LUZP2: variants seen among roughly 807,000 people sequenced by gnomAD.
LUZP2 encodes leucine zipper protein 2.
A neutral mutation model predicts 51.6 loss-of-function variants in LUZP2; 52 were observed. The observed-to-expected ratio is 1.01, with a 90% CI of 0.81 to 1.27. The LOEUF (loss-of-function observed/expected upper bound fraction) is 1.27, where lower values mean the gene tolerates loss of function less well. LUZP2 is among the 50% of genes most tolerant of loss of function. The pLI, the probability that LUZP2 is intolerant of heterozygous loss-of-function variation, is 0.00. For synonymous variants in LUZP2, 154 were observed against 137.3 expected (o/e 1.12, Z -0.85); for missense variants, 436 against 395.4 (o/e 1.10, Z -0.87).
intron 9 of LUZP2, among the ~76,000 whole-genome samples, chr11:24,984,609 T>TA (rs1856140732): frequency 7.0e-6 from 1 of 143,382 alleles, no homozygotes; most frequent in African/African-American, 2.5e-5. Context: ...TGCAAGGGTT[T>TA]ACTAGAAAAA....
intron 1 of LUZP2, among the ~76,000 whole-genome samples, chr11:24,720,775 C>T (rs562712544): frequency 2.6e-5 from 4 of 152,218 alleles, no homozygotes; most frequent in East Asian, 1.9e-4. Flanking sequence ...CTCGGCTTAC[C>T]GCAAGCTCTG....
At chr11:24,969,512 C>T (rs1855685749) in intron 7 of LUZP2, among the ~76,000 whole-genome samples, 1 of 151,810 alleles carries the variant, frequency 6.6e-6, no homozygotes, top group African/African-American at 2.4e-5. Flanking sequence ...TCTCTTTTAT[C>T]CCAGCAACAA....
intron 5 of LUZP2, among the ~76,000 whole-genome samples, chr11:24,813,456 G>A (rs1850079327): frequency 6.6e-6 from 1 of 152,192 alleles, no homozygotes; most frequent in African/African-American, 2.4e-5. Flanking sequence ...GGCAAAGGGG[G>A]AGCAGGCACA....
chr11:24,844,263 G>A (rs867762982), intron 5 of LUZP2, among the ~76,000 whole-genome samples: 2 of 152,190 alleles, frequency 1.3e-5, no homozygotes, highest in Non-Finnish European at 2.9e-5. Context: ...GGGAACTGGA[G>A]CAAAGGTAGC....
intron 1 of LUZP2, among the ~76,000 whole-genome samples, chr11:24,623,042 G>C (rs1854553154): frequency 6.6e-6 from 1 of 152,064 alleles, no homozygotes; most frequent in Admixed American, 6.6e-5. Flanking sequence ...ATGGAGGAAA[G>C]AATGTCCAGG....
chr11:24,569,697 C>CTAAT (rs71041780), intron 1 of LUZP2, among the ~76,000 whole-genome samples: 1 of 172 alleles, frequency 5.8e-3, no homozygotes, highest in Non-Finnish European at 0.014. Context: ...ATTCTATATC[C>CTAAT]TATTAATTGC....
At chr11:24,891,764 G>A (rs1852861250) in intron 5 of LUZP2, 1 of 930,718 alleles carries the variant, frequency 1.1e-6, no homozygotes, top group African/African-American at 1.8e-5. Flanking sequence ...ATAACTTTTT[G>A]GAGTCTCCAT....
chr11:24,747,248 G>T (rs1294317493), intron 4 of LUZP2, among the ~76,000 whole-genome samples: 1 of 152,174 alleles, frequency 6.6e-6, no homozygotes, highest in Non-Finnish European at 1.5e-5. Flanking sequence ...TTCCCTTGAT[G>T]TGGTACTTTT....
At chr11:24,643,012 T>A (rs190416455) in intron 1 of LUZP2, among the ~76,000 whole-genome samples, 83 of 151,678 alleles carry the variant, frequency 5.5e-4, no homozygotes, top group African/African-American at 2.0e-3. Flanking sequence ...TAAAGTAGAG[T>A]GAAGAAGAGG....
intron 4 of LUZP2, among the ~76,000 whole-genome samples, chr11:24,744,840 A>G (rs1413372554): frequency 6.6e-6 from 1 of 151,980 alleles, no homozygotes; most frequent in African/African-American, 2.4e-5. Flanking sequence ...TGATGTAGGC[A>G]TTTAGGGCTA....
intron 5 of LUZP2, among the ~76,000 whole-genome samples, chr11:24,775,405 T>C (rs1848886583): frequency 6.6e-6 from 1 of 152,178 alleles, no homozygotes; most frequent in African/African-American, 2.4e-5. Context: ...TAAGTATCTG[T>C]TATAAAGAGA....
In LUZP2 at chr11:24,904,385, C is replaced by G. The variant is rs556673290; in HGVS notation, c.397-1606C>G. ...GCAAGCTCTGCCTCCTGGGTTCACACCATTCTCCTGCCTCAGCCTCCCGAG... is the reference window on the plus strand; with the variant it reads ...GCAAGCTCTGCCTCCTGGGTTCACAGCATTCTCCTGCCTCAGCCTCCCGAG... On this transcript the variant is annotated intron_variant, in intron 5 of 11. Transcript: ENST00000336930. Among the ~76,000 whole-genome samples the G allele has an allele frequency of 5.4e-4, 82 of 152,174 alleles. 1 individual carries two copies. The highest frequency in any genetic ancestry group is 1.9e-3 in the African/African-American group (80 of 41,506).
At chr11:24,640,708 G>A (rs1855250764) in intron 1 of LUZP2, among the ~76,000 whole-genome samples, 1 of 151,884 alleles carries the variant, frequency 6.6e-6, no homozygotes, top group Admixed American at 6.6e-5. Flanking sequence ...GAATTTGCTT[G>A]AGGATTCATA....
chr11:24,594,452 G>C (rs973768959), intron 1 of LUZP2, among the ~76,000 whole-genome samples: 4 of 152,046 alleles, frequency 2.6e-5, no homozygotes, highest in African/African-American at 9.7e-5. Context: ...CTCTTTTGAT[G>C]CCCTGTGAAG....
intron 1 of LUZP2, among the ~76,000 whole-genome samples, chr11:24,528,219 A>G (rs1850878406): frequency 6.6e-6 from 1 of 151,264 alleles, no homozygotes; most frequent in Admixed American, 6.6e-5. Context: ...TTCAGTAGAC[A>G]TTAATAGGCA....
chr11:24,684,700 T>C (rs1344081708), intron 1 of LUZP2, among the ~76,000 whole-genome samples: 1 of 152,232 alleles, frequency 6.6e-6, no homozygotes, highest in Non-Finnish European at 1.5e-5. Context: ...TGCCAGCCAG[T>C]GGAGGTCTCC....
intron 9 of LUZP2, among the ~76,000 whole-genome samples, chr11:25,001,275 C>A (rs144043559): frequency 6.6e-6 from 1 of 152,204 alleles, no homozygotes; most frequent in Non-Finnish European, 1.5e-5. Context: ...GCAAACAGCT[C>A]ACACATTTGA....
At chr11:24,712,543 A>G (rs2133934038) in intron 1 of LUZP2, among the ~76,000 whole-genome samples, 1 of 152,312 alleles carries the variant, frequency 6.6e-6, no homozygotes, top group East Asian at 1.9e-4. Flanking sequence ...ATTCTGGCTA[A>G]CCTACCAGGG....
At chr11:25,042,855 A>G (rs914959304) in intron 9 of LUZP2, among the ~76,000 whole-genome samples, 3 of 152,168 alleles carry the variant, frequency 2.0e-5, no homozygotes, top group African/African-American at 7.2e-5. Context: ...GGGCTAACAT[A>G]ATAATCCAGG....
Sources: allele counts gnomAD v4.1 joint callset (sites outside exome capture counted in the v4.1 genomes callset), GRCh38; gene constraint gnomAD v4.1.1; transcripts MANE v1.5; gene names NCBI Gene and HGNC (gene_info 2026-07-23, HGNC 2026-07-21).